Variants in CYP20A1 observed in about 807,000 individuals in gnomAD.
CYP20A1 encodes cytochrome P450 20A1.
Under a neutral mutation model 61.4 loss-of-function variants are expected in CYP20A1, and 61 were observed. The ratio of observed to expected loss-of-function variants is 0.99; its 90% CI spans 0.81 to 1.23. The LOEUF (loss-of-function observed/expected upper bound fraction) is 1.23, where lower values mean the gene tolerates loss of function less well. Ranked by LOEUF, CYP20A1 falls within the 50% of genes most tolerant of loss-of-function variation. The pLI, the probability that CYP20A1 is intolerant of heterozygous loss-of-function variation, is 0.00. For missense variants in CYP20A1, 530 were observed against 542.4 expected (o/e 0.98, Z 0.23); for synonymous variants, 193 against 188.2 (o/e 1.03, Z -0.21).
rs2069104218 is a variant in CYP20A1 at position 203,303,569 on chromosome 2, C to T, written c.*6661C>T. On this transcript the variant is annotated 3_prime_UTR_variant, in exon 13 of 13. Coordinates refer to ENST00000356079, the MANE Select transcript of CYP20A1 (RefSeq NM_177538.3). ...AAAGTAGCGGGCGTGGTGACAGGTG[C>T]CTCTAATCCCAGCTACTCGGGAGGC... is the stretch of plus-strand genomic sequence containing the variant. Among the ~76,000 whole-genome samples the T allele has an allele frequency of 6.6e-6, 1 of 151,872 alleles. No homozygotes were observed. The highest frequency in any genetic ancestry group is 1.5e-5 in the Non-Finnish European group (1 of 67,994).
chr2:203,292,229 G>C (rs2068567324), intron 10 of CYP20A1, 33 bp from the exon 11 acceptor site: 1 of 1,522,446 alleles, frequency 6.6e-7, no homozygotes. Flanking sequence ...ATCTCTGTTA[G>C]TCCTTGACTA....
In CYP20A1 at chr2:203,262,679, G is replaced by GT. The variant is rs1340364785; in HGVS notation, c.433-3833dup. On this transcript the variant is annotated intron_variant, in intron 4 of 12. Coordinates refer to ENST00000356079, the MANE Select transcript of CYP20A1 (RefSeq NM_177538.3). The stretch of plus-strand genomic sequence containing the variant: ...CTGTCATATACAAGTTTTTGTTGTT[G>GT]TTGTTGTTGTTTGTTTTTTGTTTTT... 1.1e-4 allele frequency among the ~76,000 whole-genome samples: 17 copies of GT among 151,708 alleles called. No individual in the cohort carries two copies. In the East Asian group the frequency reaches 2.5e-3, roughly 22 times the overall value.
intron 8 of CYP20A1, among the ~76,000 whole-genome samples, chr2:203,285,005 C>G (rs999347242): frequency 3.3e-5 from 5 of 152,144 alleles, no homozygotes; most frequent in Admixed American, 6.6e-5. Context: ...TTCAGATTCC[C>G]TCCCAAAGTG....
intron 2 of CYP20A1, 101 bp downstream of exon 2, chr2:203,245,996 A>G (rs2066447234): frequency 3.8e-6 from 3 of 781,958 alleles, no homozygotes; most frequent in African/African-American, 1.8e-5. Flanking sequence ...GTTGCCAGCT[A>G]CTGAGGAGGT....
rs1041814111 is a variant in CYP20A1, at chr2:203,301,962, A to G, written c.*5054A>G. 2.8e-4 allele frequency among the ~76,000 whole-genome samples: 33 copies of G among 115,918 alleles called. No individual in the cohort carries two copies. Among genetic ancestry groups the G allele is most frequent in the Middle Eastern group, 0.011 (1 of 88 alleles). The allele number at this position is 115,918 out of a possible 152,430, so 76.0% of individuals were successfully genotyped here. On this transcript the variant is annotated 3_prime_UTR_variant, in exon 13 of 13. Coordinates refer to ENST00000356079, the MANE Select transcript of CYP20A1 (RefSeq NM_177538.3). ...GTTTTGAGACTGAGTCCCGCTGTCT[A>G]TTGCCCAGGCTGGAGTGCCATGGCA... is the stretch of plus-strand genomic sequence containing the variant.
chr2:203,304,362 T>G lies in CYP20A1; in HGVS notation c.*7454T>G, dbSNP rs7423857. Among the ~76,000 whole-genome samples, 25,227 of 152,116 alleles carry G rather than the reference T, an allele frequency of 0.17. 2,490 individuals are homozygous for G. Among genetic ancestry groups the G allele is most frequent in the East Asian group, 0.52 (2,658 of 5,126 alleles). ...ACAGGCGAGTGCCTCCATGCCCAGC[T>G]AATTTTTTGTATTTTTAGTAGAGAC... On this transcript the variant is annotated 3_prime_UTR_variant, in exon 13 of 13. Transcript: ENST00000356079.
Position 203,251,947 on chromosome 2 carries a change from A to G in CYP20A1, c.290-20A>G. The G allele has an allele frequency of 6.6e-7, 1 of 1,516,490 alleles. No individual in the cohort carries two copies. The highest frequency in any genetic ancestry group is 8.9e-7 in the Non-Finnish European group (1 of 1,125,102). 93.9% of individuals were successfully genotyped at this position (1,516,490 alleles called of 1,614,324 possible). On this transcript the variant is annotated intron_variant, in intron 3 of 12. Transcript: ENST00000356079. ...TGAGTGATTATTTTGATACAGAAATATTTAATTTGTCTGTTTCAGCGGACC... is the reference window on the plus strand; with the variant it reads ...TGAGTGATTATTTTGATACAGAAATGTTTAATTTGTCTGTTTCAGCGGACC...
chr2:203,278,404 G>A (rs761528018), intron 6 of CYP20A1, among the ~76,000 whole-genome samples, 169 bp from the exon 7 acceptor site: 79 of 151,996 alleles, frequency 5.2e-4, no homozygotes, highest in Non-Finnish European at 9.0e-4. Flanking sequence ...TGTTAAATTT[G>A]GCAAAAAAGG....
intron 4 of CYP20A1, 27 bp downstream of exon 4, chr2:203,252,136 T>C: frequency 7.7e-6 from 12 of 1,565,630 alleles, no homozygotes; most frequent in Non-Finnish European, 1.0e-5. Flanking sequence ...TTTGGTCTAG[T>C]GTTCTACAAC....
intron 5 of CYP20A1, among the ~76,000 whole-genome samples, chr2:203,267,099 C>T (rs2067355062): frequency 6.6e-6 from 1 of 151,582 alleles, no homozygotes; most frequent in Non-Finnish European, 1.5e-5. Flanking sequence ...GAGTTCAAGG[C>T]TACAGAGAGC....
rs2069191209 is a variant in CYP20A1 at position 203,305,724 on chromosome 2, T to C, written c.*8816T>C. 1.3e-5 allele frequency: 2 copies of C among 152,206 alleles called. No homozygotes were observed. Among genetic ancestry groups the C allele is most frequent in the Non-Finnish European group, 2.9e-5 (2 of 68,024 alleles). 9.4% of individuals were successfully genotyped at this position (152,206 alleles called of 1,614,324 possible). On this transcript the variant is annotated 3_prime_UTR_variant, in exon 13 of 13. Transcript: ENST00000356079. ...TTACTTTACCATTGTAACTATGTCA[T>C]AAAGTCATAAAGTACCTGTCCCCAA...
intron 6 of CYP20A1, among the ~76,000 whole-genome samples, chr2:203,278,368 A>G (rs138602820): frequency 1.3e-5 from 2 of 152,368 alleles, no homozygotes; most frequent in Admixed American, 1.3e-4. Context: ...CTGTACTTAC[A>G]TGCTTTGTGC....
intron 4 of CYP20A1, among the ~76,000 whole-genome samples, chr2:203,265,318 A>G (rs73058751): frequency 0.027 from 4,076 of 152,288 alleles, 168 homozygotes; most frequent in African/African-American, 0.089. Context: ...CTTTGGAGAC[A>G]AAATCACCCT....
At position 203,289,943 on chromosome 2, in the gene CYP20A1, T is replaced by C. The variant is rs536412674; in HGVS notation, c.1083+67T>C. 151 of 614,582 alleles carry C rather than the reference T, an allele frequency of 2.5e-4. 1 individual carries two copies. The highest frequency in any genetic ancestry group is 1.8e-3 in the African/African-American group (94 of 52,006). 38.1% of individuals were successfully genotyped at this position (614,582 alleles called of 1,614,324 possible). ...AACTCTTTTGGTGTGTGTGTGTGTATATATATATATATTTTAGACAGAGGT... is the reference window on the plus strand; with the variant it reads ...AACTCTTTTGGTGTGTGTGTGTGTACATATATATATATTTTAGACAGAGGT... On this transcript the variant is annotated intron_variant, in intron 10 of 12. Coordinates refer to ENST00000356079, the MANE Select transcript of CYP20A1 (RefSeq NM_177538.3).
Position 203,266,574 on chromosome 2 carries a change from A to G in CYP20A1, c.493A>G (p.Ser165Gly). ...SYPETQHVPL[S>G]QHMLGFAMKS... ...CCCAGAGACCCAGCACGTGCCCCTC[A>G]GCCAGCATATGCTTGGTTTTGCTAT... Residue 165 changes from serine to glycine, a missense_variant, in exon 5 of 13, where the codon AGC (serine) becomes GGC (glycine). Coordinates refer to ENST00000356079, the MANE Select transcript of CYP20A1 (RefSeq NM_177538.3). 6.2e-7 allele frequency: 1 copy of G among 1,614,048 alleles called. No homozygotes were observed.
In CYP20A1 at chr2:203,245,317, C is replaced by T. The variant is rs186967682; in HGVS notation, c.73-529C>T. Among the ~76,000 whole-genome samples the T allele has an allele frequency of 4.0e-5, 6 of 151,168 alleles. No individual in the cohort carries two copies. The East Asian group carries it at 7.8e-4, about 20-fold the overall frequency. The stretch of plus-strand genomic sequence containing the variant: ...CTGGGATTACAGGCCTGAGCCACTG[C>T]GCTCGGCTGAAATCATTCTTTAAAA... On this transcript the variant is annotated intron_variant, in intron 1 of 12. Transcript: ENST00000356079.
Position 203,303,697 on chromosome 2 carries a change from C to G in CYP20A1, c.*6789C>G, listed in dbSNP as rs2152120473. 6.7e-6 allele frequency among the ~76,000 whole-genome samples: 1 copy of G among 150,060 alleles called. No individual in the cohort carries two copies. The highest frequency in any genetic ancestry group is 3.4e-3 in the Middle Eastern group (1 of 294). On this transcript the variant is annotated 3_prime_UTR_variant, in exon 13 of 13. Transcript: ENST00000356079. The stretch of plus-strand genomic sequence containing the variant: ...GTGACGAGCGAAAATCCGTCTCAAC[C>G]AAGAAAAAAGAAAAAAAGAAAAAGA...
Position 203,300,745 on chromosome 2 carries a change from C to G in CYP20A1, c.*3837C>G, listed in dbSNP as rs996702046. Among the ~76,000 whole-genome samples, 1 of 151,048 alleles carries G rather than the reference C, an allele frequency of 6.6e-6. No homozygotes were observed. Among genetic ancestry groups the G allele is most frequent in the African/African-American group, 2.4e-5 (1 of 41,036 alleles). On this transcript the variant is annotated 3_prime_UTR_variant, in exon 13 of 13. Coordinates refer to ENST00000356079, the MANE Select transcript of CYP20A1 (RefSeq NM_177538.3). Reference sequence around the variant, plus strand: ...TCTCTACCAAAAATACAAAATTAGCCGGGCATGATGGAGCATCCCTGTAAT... The same window carrying G: ...TCTCTACCAAAAATACAAAATTAGCGGGGCATGATGGAGCATCCCTGTAAT...
intron 7 of CYP20A1, among the ~76,000 whole-genome samples, chr2:203,279,417 A>T (rs1467519826): frequency 6.6e-6 from 1 of 152,206 alleles, no homozygotes; most frequent in Non-Finnish European, 1.5e-5. Flanking sequence ...TGTTAGGTGT[A>T]TTAGACTAAA....
Sources: gnomAD v4.1 joint callset for allele counts (sites outside exome capture counted in the v4.1 genomes callset) on GRCh38, gnomAD v4.1.1 for gene constraint, MANE v1.5 for transcripts, NCBI Gene and HGNC (gene_info 2026-07-23, HGNC 2026-07-21) for gene names.